EGFLAM: variants seen among roughly 807,000 people sequenced by gnomAD.
The protein encoded by EGFLAM is pikachurin.
In EGFLAM, 79 loss-of-function variants were observed where a neutral mutation model predicts 113.1. The observed-to-expected ratio is 0.70, with a 90% CI of 0.58 to 0.84. EGFLAM has a LOEUF of 0.84. Among genes scored for constraint, EGFLAM ranks in the 40% least tolerant of loss-of-function variants. The pLI is 0.00. For synonymous variants in EGFLAM, 504 were observed against 487.6 expected (o/e 1.03, Z -0.44); for missense variants, 1,265 against 1,291.6 (o/e 0.98, Z 0.32).
intron 5 of EGFLAM, among the ~76,000 whole-genome samples, chr5:38,366,598 A>T (rs1422571442): frequency 1.3e-5 from 2 of 152,172 alleles, no homozygotes; most frequent in African/African-American, 4.8e-5. Context: ...AGGTAGTCAA[A>T]ACACCACAAG....
At chr5:38,379,927 T>G (rs1740466982) in intron 6 of EGFLAM, among the ~76,000 whole-genome samples, 1 of 152,076 alleles carries the variant, frequency 6.6e-6, no homozygotes, top group Non-Finnish European at 1.5e-5. Flanking sequence ...ACTGAGACAA[T>G]GGTCAGCAAA....
intron 1 of EGFLAM, among the ~76,000 whole-genome samples, chr5:38,280,832 A>G (rs2162811): frequency 0.01 from 1,561 of 152,284 alleles, 28 homozygotes; most frequent in African/African-American, 0.036. Flanking sequence ...GCCTATTTAT[A>G]TGTTCCTCCT....
At chr5:38,342,163 A>G (rs1198943616) in intron 3 of EGFLAM, among the ~76,000 whole-genome samples, 1 of 152,158 alleles carries the variant, frequency 6.6e-6, no homozygotes, top group African/African-American at 2.4e-5. Context: ...TGAATTTTTA[A>G]TCGTTTAGAG....
intron 21 of EGFLAM, 37 bp from the exon 22 acceptor site, chr5:38,463,795 C>G (rs375674919): frequency 6.2e-7 from 1 of 1,606,984 alleles, no homozygotes; most frequent in Admixed American, 1.7e-5. Context: ...GACACCTGTC[C>G]TTTGGCTCAC....
chr5:38,422,114 A>G lies in EGFLAM; in HGVS notation c.1685-2853A>G, dbSNP rs558778058. Among the ~76,000 whole-genome samples the G allele has an allele frequency of 6.8e-4, 104 of 152,172 alleles. 1 individual carries two copies. Among genetic ancestry groups the G allele is most frequent in the Admixed American group, 1.6e-3 (24 of 15,288 alleles). ...GGGACAGGGAAGTTTCTCCTTGTTC[A>G]TGGTCTCTTTAAGGAACTCCACCCC... On this transcript the variant is annotated intron_variant, in intron 12 of 21. Transcript: ENST00000322350.
Position 38,422,926 on chromosome 5 carries a change from T to C in EGFLAM, c.1685-2041T>C, listed in dbSNP as rs79066847. ...CCTGCTGTGGCTTACTCACCCATGC[T>C]CAGGTTCTCTCCAGCTCACACAGGT... On this transcript the variant is annotated intron_variant, in intron 12 of 21. Coordinates refer to ENST00000322350, the MANE Select transcript of EGFLAM (RefSeq NM_152403.4). Among the ~76,000 whole-genome samples the C allele has an allele frequency of 2.4e-3, 364 of 152,336 alleles. 2 individuals carry two copies. Among genetic ancestry groups the C allele is most frequent in the Non-Finnish European group, 4.1e-3 (280 of 68,028 alleles).
intron 1 of EGFLAM, chr5:38,291,105 G>T (rs1477618668): frequency 6.6e-6 from 1 of 152,118 alleles, no homozygotes; most frequent in East Asian, 1.9e-4. Flanking sequence ...ACAAAACCCT[G>T]CAGGGGTCAG....
chr5:38,357,582 G>C (rs1331463725), intron 5 of EGFLAM, among the ~76,000 whole-genome samples: 5 of 152,248 alleles, frequency 3.3e-5, no homozygotes, highest in Non-Finnish European at 7.4e-5. Context: ...CACGTGACAG[G>C]TTTCTGTGTG....
chr5:38,396,807 G>T (rs115842006), intron 6 of EGFLAM, among the ~76,000 whole-genome samples: 1 of 152,318 alleles, frequency 6.6e-6, no homozygotes, highest in Non-Finnish European at 1.5e-5. Flanking sequence ...GTTCACAGCC[G>T]CTTCTCCCAT....
At chr5:38,370,237 C>A (rs1561052242) in intron 5 of EGFLAM, 59 bp from the exon 6 acceptor site, 3 of 1,557,502 alleles carry the variant, frequency 1.9e-6, no homozygotes, top group Non-Finnish European at 2.6e-6. Flanking sequence ...AGCCAGCTAG[C>A]TTCCCTTCCC....
At chr5:38,262,608 C>CACATAAAA (rs1226067477) in intron 1 of EGFLAM, among the ~76,000 whole-genome samples, 4 of 152,112 alleles carry the variant, frequency 2.6e-5, no homozygotes, top group African/African-American at 9.7e-5. Flanking sequence ...CACCCTCTGT[C>CACATAAAA]GCATAATGCT....
At chr5:38,333,967 A>G (rs1579785083) in intron 1 of EGFLAM, among the ~76,000 whole-genome samples, 1 of 109,544 alleles carries the variant, frequency 9.1e-6, no homozygotes, top group Non-Finnish European at 1.7e-5. Flanking sequence ...CTTTTCACCT[A>G]GGCTGGAATG....
intron 12 of EGFLAM, among the ~76,000 whole-genome samples, chr5:38,421,269 C>T (rs1354311333): frequency 6.6e-6 from 1 of 152,214 alleles, no homozygotes; most frequent in Non-Finnish European, 1.5e-5. Flanking sequence ...CTCTGCAAGT[C>T]ACATTCTAGA....
intron 6 of EGFLAM, among the ~76,000 whole-genome samples, chr5:38,383,577 T>C (rs1375830488): frequency 2.0e-5 from 3 of 152,204 alleles, no homozygotes; most frequent in Non-Finnish European, 4.4e-5. Flanking sequence ...CCAGGTAATT[T>C]CTGGATGCTG....
At chr5:38,319,612 C>T (rs1363377418) in intron 1 of EGFLAM, among the ~76,000 whole-genome samples, 6 of 152,108 alleles carry the variant, frequency 3.9e-5, no homozygotes, top group Non-Finnish European at 7.3e-5. Flanking sequence ...ACAACACTCC[C>T]GGATTTCAGG....
chr5:38,269,109 G>A (rs1039826280), intron 1 of EGFLAM, among the ~76,000 whole-genome samples: 4 of 152,166 alleles, frequency 2.6e-5, no homozygotes, highest in African/African-American at 9.7e-5. Context: ...AGCTCAGGAA[G>A]TTGAGGCTGC....
chr5:38,401,046 AT>A (rs1191539572), intron 6 of EGFLAM: 2 of 152,166 alleles, frequency 1.3e-5, no homozygotes, highest in African/African-American at 4.8e-5. Context: ...AACGGAAACA[AT>A]TTTTACAGAG....
intron 15 of EGFLAM, among the ~76,000 whole-genome samples, chr5:38,433,057 G>A (rs929806219): frequency 6.6e-6 from 1 of 152,200 alleles, no homozygotes; most frequent in African/African-American, 2.4e-5. Context: ...GAGTGGGAAG[G>A]CCAATGCCTG....
At chr5:38,303,650 A>C (rs1414450786) in intron 1 of EGFLAM, among the ~76,000 whole-genome samples, 2 of 152,156 alleles carry the variant, frequency 1.3e-5, no homozygotes. Context: ...ATATGTCAAA[A>C]ATATTTTTTT....
Sources: gnomAD v4.1 joint callset for allele counts (sites outside exome capture counted in the v4.1 genomes callset) on GRCh38, gnomAD v4.1.1 for gene constraint, MANE v1.5 for transcripts, NCBI Gene and HGNC (gene_info 2026-07-23, HGNC 2026-07-21) for gene names.